TAC3: variants seen among roughly 807,000 people sequenced by gnomAD.
The protein encoded by TAC3 is tachykinin-3.
In TAC3, 9 loss-of-function variants were observed where a neutral mutation model predicts 16.5. The observed-to-expected ratio is 0.55, with a 90% CI of 0.33 to 0.95. The LOEUF (loss-of-function observed/expected upper bound fraction) is 0.95. TAC3 is among the 40% of genes least tolerant of loss of function. TAC3 has a pLI of 0.03. For missense variants in TAC3, 129 were observed against 149.1 expected, an observed-to-expected ratio of 0.87 and a Z score of 0.70; for synonymous variants, 52 against 56.7, an observed-to-expected ratio of 0.92 and a Z score of 0.37.
At chr12:57,015,582 G>A (rs1280633569) in intron 2 of TAC3, 102 bp downstream of exon 2, 2 of 1,015,900 alleles carry the variant, frequency 2.0e-6, no homozygotes, top group Non-Finnish European at 3.1e-6. Context: ...AATGCCCTCT[G>A]ACGGACAACC....
At chr12:57,010,867 A>T (rs868143238) in intron 6 of TAC3, 1 of 152,252 alleles carries the variant, frequency 6.6e-6, no homozygotes, top group Non-Finnish European at 1.5e-5. Flanking sequence ...CAATGGTAAG[A>T]TTATGAAAGC....
intron 2 of TAC3, 56 bp downstream of exon 2, chr12:57,015,628 C>G: frequency 6.6e-7 from 1 of 1,516,792 alleles, no homozygotes; most frequent in Non-Finnish European, 9.1e-7. Flanking sequence ...GCTGTCCAGA[C>G]AGGCAGAGTC....
At chr12:57,013,431 G>T in intron 3 of TAC3, 43 bp from the exon 4 acceptor site, 11 of 1,612,916 alleles carry the variant, frequency 6.8e-6, no homozygotes, top group East Asian at 2.2e-5. Context: ...AGTGAAGTTG[G>T]AAAGTGATGA....
At chr12:57,012,962 T>C in intron 4 of TAC3, 87 bp from the exon 5 acceptor site, 1 of 1,539,090 alleles carries the variant, frequency 6.5e-7, no homozygotes, top group Non-Finnish European at 9.0e-7. Context: ...TGAGACTGGG[T>C]TTCTGGTCTC....
chr12:57,015,716 C>A lies in TAC3; in HGVS notation c.82G>T (p.Glu28Ter). ...SFGAVCKEPQEEVVPGGGRSK... is the reference protein window; with the variant it reads ...SFGAVCKEPQ ...CGGCCCCCGCCAGGAACCACCTCCT[C>A]CTGTGGCTCCTTACAGACAGCCCCA... is the stretch of plus-strand genomic sequence containing the variant. Residue 28 changes from glutamate to a stop codon, truncating the protein, a stop_gained, in exon 2 of 7, where the codon GAG becomes TAG. Coordinates refer to ENST00000458521, the MANE Select transcript of TAC3 (RefSeq NM_013251.4). LOFTEE classifies it high-confidence loss of function. 1 of 1,614,130 alleles carries A rather than the reference C, an allele frequency of 6.2e-7. No homozygotes were observed. The highest frequency in any genetic ancestry group is 8.5e-7 in the Non-Finnish European group (1 of 1,180,018).
intron 5 of TAC3, 146 bp downstream of exon 5, chr12:57,012,676 C>G: frequency 6.2e-7 from 1 of 1,613,018 alleles, no homozygotes; most frequent in South Asian, 1.1e-5. Context: ...TGGATCCAAG[C>G]TGATTGGGAT....
chr12:57,011,603 C>A (rs151238554), intron 6 of TAC3, among the ~76,000 whole-genome samples: 1 of 152,338 alleles, frequency 6.6e-6, no homozygotes, highest in African/African-American at 2.4e-5. Context: ...ACCTCCCAAA[C>A]TGGGACAATT....
chr12:57,012,632 C>G, intron 5 of TAC3, 180 bp from the exon 6 acceptor site: 1 of 1,613,068 alleles, frequency 6.2e-7, no homozygotes. Flanking sequence ...TTATAAAGGT[C>G]TCTGCTCCTC....
In TAC3 at chr12:57,014,948, G is replaced by C. The variant is rs372715772; in HGVS notation, c.114+736C>G. Among the ~76,000 whole-genome samples the C allele has an allele frequency of 3.9e-5, 6 of 152,270 alleles. No individual in the cohort carries two copies. In the East Asian group the frequency reaches 1.2e-3, roughly 29 times the overall value. ...ACCCGCAATCATCTTAAAAGCATTTGTACCGATGTAATTGCTGTCATTTCA... is the reference window on the plus strand; with the variant it reads ...ACCCGCAATCATCTTAAAAGCATTTCTACCGATGTAATTGCTGTCATTTCA... On this transcript the variant is annotated intron_variant, in intron 2 of 6. Coordinates refer to ENST00000458521, the MANE Select transcript of TAC3 (RefSeq NM_013251.4).
intron 1 of TAC3, 38 bp from the exon 2 acceptor site, chr12:57,015,840 G>A: frequency 6.4e-7 from 1 of 1,556,400 alleles, no homozygotes; most frequent in African/African-American, 1.4e-5. Context: ...GTAAAGGAGA[G>A]AAGAGGAAGA....
Position 57,010,024 on chromosome 12 carries a change from T to C in TAC3, c.*266A>G, listed in dbSNP as rs1231629465. Reference sequence around the variant, plus strand: ...ATTCATATGCAAAAATCCTTTATTGTTGAGGAATAGAGAGAGACATTATAT... The same window carrying C: ...ATTCATATGCAAAAATCCTTTATTGCTGAGGAATAGAGAGAGACATTATAT... On this transcript the variant is annotated 3_prime_UTR_variant, in exon 7 of 7. Transcript: ENST00000458521. The C allele has an allele frequency of 2.4e-6, 1 of 424,480 alleles. No individual in the cohort carries two copies. The allele number at this position is 424,480 out of a possible 1,614,324, so 26.3% of individuals were successfully genotyped here.
At chr12:57,013,436 T>G (rs1177323656) in intron 3 of TAC3, 48 bp from the exon 4 acceptor site, 1 of 1,612,088 alleles carries the variant, frequency 6.2e-7, no homozygotes, top group East Asian at 2.2e-5. Context: ...AGTTGGAAAG[T>G]GATGAGAGCG....
Position 57,013,659 on chromosome 12 carries a change from G to A in TAC3, c.127C>T (p.Leu43Phe), listed in dbSNP as rs1956334479. 1.2e-6 allele frequency: 2 copies of A among 1,612,792 alleles called. No individual in the cohort carries two copies. Among genetic ancestry groups the A allele is most frequent in the Non-Finnish European group, 1.7e-6 (2 of 1,179,632 alleles). ...AAGAGTCTCTGGAGCAGCTGGTAGAGATCTGGATCCCTCTAGGGAAGAAAC... is the reference window on the plus strand; with the variant it reads ...AAGAGTCTCTGGAGCAGCTGGTAGAAATCTGGATCCCTCTAGGGAAGAAAC... ...GGGRSKRDPD[L>F]YQLLQRLFKS... The change falls in exon 3 of 7, where the codon CTC becomes TTC. Residue 43 changes from leucine (L) to phenylalanine (F), a missense_variant. Leu to Phe is a conservative substitution (Grantham distance 22). Transcript: ENST00000458521.
At chr12:57,011,433 T>C (rs1956296316) in intron 6 of TAC3, among the ~76,000 whole-genome samples, 1 of 152,226 alleles carries the variant, frequency 6.6e-6, no homozygotes, top group African/African-American at 2.4e-5. Context: ...CTGCTCTTGC[T>C]GTGTGTGGGA....
At chr12:57,014,377 CAG>C (rs1260986386) in intron 2 of TAC3, among the ~76,000 whole-genome samples, 1 of 152,138 alleles carries the variant, frequency 6.6e-6, no homozygotes, top group Non-Finnish European at 1.5e-5. Flanking sequence ...CCTCTCTTTC[CAG>C]AACCCAGGCA....
intron 1 of TAC3, 90 bp from the exon 2 acceptor site, chr12:57,015,892 G>T: frequency 8.6e-7 from 1 of 1,163,128 alleles, no homozygotes; most frequent in Non-Finnish European, 1.3e-6. Context: ...ATTACCAGCA[G>T]CTTGGCTTGA....
At chr12:57,013,948 C>G (rs1264609919) in intron 2 of TAC3, among the ~76,000 whole-genome samples, 1 of 152,178 alleles carries the variant, frequency 6.6e-6, no homozygotes, top group East Asian at 1.9e-4. Context: ...AGCAGCCCCC[C>G]AGGTGATTCA....
chr12:57,016,352 G>C (rs1360740887), intron 1 of TAC3, 35 bp downstream of exon 1: 1 of 423,052 alleles, frequency 2.4e-6, no homozygotes, highest in African/African-American at 2.0e-5. Context: ...CCTGGTGCCA[G>C]CTCTGGTCCA....
intron 2 of TAC3, among the ~76,000 whole-genome samples, chr12:57,014,556 T>C (rs1468223161): frequency 6.6e-6 from 1 of 152,118 alleles, no homozygotes; most frequent in African/African-American, 2.4e-5. Context: ...TCCCTCTCAT[T>C]CATTGACCAA....
Sources: gnomAD v4.1 joint callset for allele counts (sites outside exome capture counted in the v4.1 genomes callset) on GRCh38, gnomAD v4.1.1 for gene constraint, MANE v1.5 for transcripts, NCBI Gene and HGNC (gene_info 2026-07-23, HGNC 2026-07-21) for gene names.